TRIP12: variants seen among roughly 807,000 people sequenced by gnomAD.
TRIP12 encodes the protein thyroid hormone receptor interactor 12.
Under a neutral mutation model 244.2 loss-of-function variants are expected in TRIP12, and 25 were observed. The observed-to-expected ratio is 0.10, with a 90% CI of 0.07 to 0.14. The LOEUF is 0.14. Ranked by LOEUF, TRIP12 falls within the 10% of genes least tolerant of loss-of-function variation. The probability of loss-of-function intolerance (pLI) is 1.00; values close to 1 mark genes in which losing one functional copy is unlikely to be tolerated. For synonymous variants in TRIP12, 905 were observed against 873.1 expected (o/e 1.04, Z -0.64); for missense variants, 1,677 against 2,486.4 (o/e 0.67, Z 6.92).
At chr2:229,885,209 T>A (rs760460783) in intron 1 of TRIP12, among the ~76,000 whole-genome samples, 4 of 152,134 alleles carry the variant, frequency 2.6e-5, no homozygotes, top group Non-Finnish European at 4.4e-5. Context: ...AACAGGTAAA[T>A]CTCATTTGTC....
chr2:229,869,524 C>T (rs2062147743), intron 2 of TRIP12, among the ~76,000 whole-genome samples: 1 of 152,184 alleles, frequency 6.6e-6, no homozygotes, highest in African/African-American at 2.4e-5. Flanking sequence ...TCATCTGACT[C>T]TAGTAACAAC....
chr2:229,826,179 A>G (rs1359243544), intron 8 of TRIP12, among the ~76,000 whole-genome samples: 2 of 152,208 alleles, frequency 1.3e-5, no homozygotes, highest in African/African-American at 4.8e-5. Context: ...TTTACTTCTC[A>G]TAAATGAAAA....
chr2:229,828,773 A>T (rs485537), intron 8 of TRIP12, among the ~76,000 whole-genome samples: 144,167 of 151,804 alleles, frequency 0.95, 68,884 homozygotes, highest in East Asian at 1. Context: ...TCTCAAAAAA[A>T]ATATATATAT....
intron 4 of TRIP12, among the ~76,000 whole-genome samples, chr2:229,857,807 T>G (rs1041114880): frequency 6.6e-6 from 1 of 152,228 alleles, no homozygotes; most frequent in Non-Finnish European, 1.5e-5. Flanking sequence ...TTCCATCTAC[T>G]TTCTGTTTCT....
intron 33 of TRIP12, 135 bp from the exon 34 acceptor site, chr2:229,785,990 C>G: frequency 1.4e-6 from 1 of 689,806 alleles, no homozygotes; most frequent in Middle Eastern, 2.6e-4. Flanking sequence ...ACAGGTAACT[C>G]AGAAAAGGTT....
Position 229,768,601 on chromosome 2 carries a change from C to T in TRIP12, c.6007+15G>A, listed in dbSNP as rs752585592. 1 of 1,608,436 alleles carries T rather than the reference C, an allele frequency of 6.2e-7. No homozygotes were observed. Among genetic ancestry groups the T allele is most frequent in the Non-Finnish European group, 8.5e-7 (1 of 1,178,290 alleles). On this transcript the variant is annotated intron_variant, in intron 41 of 41. Coordinates refer to ENST00000675903, the MANE Select transcript of TRIP12 (RefSeq NM_001348323.3). Reference sequence around the variant, plus strand: ...CATAGGTAGAATAAATGCTAAACATCAACATCGTACCCACCTCCAACAGGC... The same window carrying T: ...CATAGGTAGAATAAATGCTAAACATTAACATCGTACCCACCTCCAACAGGC...
At chr2:229,819,106 TCTTTC>T (rs945073306) in intron 8 of TRIP12, among the ~76,000 whole-genome samples, 6 of 148,958 alleles carry the variant, frequency 4.0e-5, no homozygotes, top group African/African-American at 1.5e-4. Context: ...CCTTGCATCC[TCTTTC>T]ATTTCCTGCA....
rs1437030522 is a variant in TRIP12 at position 229,785,750 on chromosome 2, A to G, written c.5094+7T>C. On this transcript the variant is annotated splice_region_variant and intron_variant, in intron 34 of 41. Transcript: ENST00000675903. ...GCTAAATAACCATCACCAGACTCCA[A>G]GCTCACCTCATTTTCATACTGGATT... 3 of 1,612,958 alleles carry G rather than the reference A, an allele frequency of 1.9e-6. No individual in the cohort carries two copies. The highest frequency in any genetic ancestry group is 2.2e-5 in the South Asian group (2 of 90,908).
chr2:229,918,850 AATTT>A (rs1371418687), intron 1 of TRIP12, among the ~76,000 whole-genome samples: 2 of 152,214 alleles, frequency 1.3e-5, no homozygotes, highest in Admixed American at 6.5e-5. Flanking sequence ...TTCTAAAATT[AATTT>A]ATTTAGCATG....
Position 229,815,805 on chromosome 2 carries a change from G to A in TRIP12, c.1600-497C>T, listed in dbSNP as rs368526772. 3.9e-5 allele frequency among the ~76,000 whole-genome samples: 6 copies of A among 152,248 alleles called. No homozygotes were observed. In the East Asian group the frequency reaches 5.8e-4, roughly 15 times the overall value. On this transcript the variant is annotated intron_variant, in intron 9 of 41. Transcript: ENST00000675903. ...ATTTGACTCAGCTTTAAAATGTACA[G>A]TAATATAGAATTTAAACATAAGATA...
Position 229,818,412 on chromosome 2 carries a change from A to G in TRIP12, c.1551T>C (p.Asn517=), listed in dbSNP as rs2049044659. Reference sequence around the variant, plus strand: ...CAGGAAACCCTCCCAGTGTCTCCTCATTTCCCATGACCAGTAACTGACACA... The same window carrying G: ...CAGGAAACCCTCCCAGTGTCTCCTCGTTTCCCATGACCAGTAACTGACACA... ...IEMCQLLVMG[N]EETLGGFPVK... The change falls in exon 9 of 42, where the codon AAT becomes AAC. Residue 517 remains asparagine (N), a synonymous_variant. Coordinates refer to ENST00000675903, the MANE Select transcript of TRIP12 (RefSeq NM_001348323.3). 1.2e-6 allele frequency: 2 copies of G among 1,614,040 alleles called. No individual in the cohort carries two copies. Among genetic ancestry groups the G allele is most frequent in the South Asian group, 1.1e-5 (1 of 91,086 alleles).
chr2:229,863,148 G>A (rs2060735022), intron 2 of TRIP12, among the ~76,000 whole-genome samples: 2 of 151,254 alleles, frequency 1.3e-5, no homozygotes, highest in East Asian at 3.9e-4. Flanking sequence ...AGAATTGCTT[G>A]AACCCAGGAG....
At chr2:229,802,212 A>G (rs1236235669) in intron 21 of TRIP12, 40 bp downstream of exon 21, 1 of 1,528,906 alleles carries the variant, frequency 6.5e-7, no homozygotes, top group Non-Finnish European at 8.9e-7. Flanking sequence ...AGCAGCGCTA[A>G]CAGCAAAGAA....
In TRIP12 at chr2:229,767,508, T is replaced by C; in HGVS notation, c.*46A>G. On this transcript the variant is annotated 3_prime_UTR_variant, in exon 42 of 42. Coordinates refer to ENST00000675903, the MANE Select transcript of TRIP12 (RefSeq NM_001348323.3). ...ATAACATTAGAAAAGAAATCATGAT[T>C]TGTTTCTTTTGCTGTAACAGGCAGA... 1 of 1,535,690 alleles carries C rather than the reference T, an allele frequency of 6.5e-7. No homozygotes were observed. The highest frequency in any genetic ancestry group is 8.8e-7 in the Non-Finnish European group (1 of 1,141,460).
intron 9 of TRIP12, 108 bp from the exon 10 acceptor site, chr2:229,815,416 A>T: frequency 1.5e-6 from 1 of 649,368 alleles, no homozygotes; most frequent in South Asian, 2.1e-5. Context: ...TATTATTCCT[A>T]ACTTTTACCA....
chr2:229,780,796 T>G lies in TRIP12; in HGVS notation c.5095-1806A>C, dbSNP rs371091660. ...GGCCTAACATATATGTGTACATGAA[T>G]GTGTGTGTATGTATTGGCCTCCCCA... On this transcript the variant is annotated intron_variant, in intron 34 of 41. Transcript: ENST00000675903. Among the ~76,000 whole-genome samples the G allele has an allele frequency of 4.6e-5, 7 of 152,238 alleles. No individual in the cohort carries two copies. In the East Asian group the frequency reaches 1.3e-3, roughly 29 times the overall value.
At chr2:229,768,515 TGCAA>T in intron 41 of TRIP12, 97 bp downstream of exon 41, 1 of 1,044,748 alleles carries the variant, frequency 9.6e-7, no homozygotes, top group East Asian at 2.4e-5. Context: ...TAAGAGGCAC[TGCAA>T]GTGAGATAAA....
chr2:229,831,518 A>G (rs1285851602), intron 6 of TRIP12, among the ~76,000 whole-genome samples: 2 of 152,138 alleles, frequency 1.3e-5, no homozygotes. Flanking sequence ...CCAGCTACTG[A>G]GTTGGGCATG....
At chr2:229,801,004 C>T (rs2044182415) in intron 21 of TRIP12, among the ~76,000 whole-genome samples, 1 of 152,234 alleles carries the variant, frequency 6.6e-6, no homozygotes, top group South Asian at 2.1e-4. Context: ...CTGTAATTTA[C>T]TGAGTATCTA....
Sources: allele counts gnomAD v4.1 joint callset (sites outside exome capture counted in the v4.1 genomes callset), GRCh38; gene constraint gnomAD v4.1.1; transcripts MANE v1.5; gene names NCBI Gene and HGNC (gene_info 2026-07-23, HGNC 2026-07-21).